Variants in SORCS1 observed in about 807,000 individuals in gnomAD.
SORCS1 encodes the protein VPS10 domain-containing receptor SorCS1.
Under a neutral mutation model 146.1 loss-of-function variants are expected in SORCS1, and 60 were observed. The ratio of observed to expected loss-of-function variants is 0.41; its 90% confidence interval spans 0.33 to 0.51. The LOEUF is 0.51. SORCS1 is among the 20% of genes least tolerant of loss of function. SORCS1 has a pLI of 0.21. For missense variants in SORCS1, 1,352 were observed against 1,487.6 expected (o/e 0.91, Z 1.50); for synonymous variants, 637 against 584.0 (o/e 1.09, Z -1.31).
intron 6 of SORCS1, among the ~76,000 whole-genome samples, chr10:106,726,185 C>CTTT (rs1169402270): frequency 9.1e-5 from 6 of 66,296 alleles, no homozygotes; most frequent in Non-Finnish European, 1.4e-4. Context: ...CTTTCCCTCT[C>CTTT]TTTTTTTTTT....
chr10:106,649,021 G>A (rs570271041), intron 18 of SORCS1, among the ~76,000 whole-genome samples: 1 of 152,184 alleles, frequency 6.6e-6, no homozygotes, highest in African/African-American at 2.4e-5. Context: ...CCGGACTCCA[G>A]TGGAAAACCT....
intron 1 of SORCS1, among the ~76,000 whole-genome samples, chr10:107,044,197 G>T (rs1039272640): frequency 6.6e-6 from 1 of 151,960 alleles, no homozygotes; most frequent in South Asian, 2.1e-4. Flanking sequence ...TCTTCACCTT[G>T]ATTCTCAATA....
chr10:106,967,266 TATCC>T (rs1483022943), intron 1 of SORCS1, among the ~76,000 whole-genome samples: 1 of 152,188 alleles, frequency 6.6e-6, no homozygotes, highest in Non-Finnish European at 1.5e-5. Flanking sequence ...TCAAAATATA[TATCC>T]ATATATAATA....
chr10:106,681,281 C>T (rs775920281), intron 10 of SORCS1, among the ~76,000 whole-genome samples: 10 of 152,274 alleles, frequency 6.6e-5, no homozygotes, highest in Non-Finnish European at 1.3e-4. Flanking sequence ...AAAGTCTTCC[C>T]GATAACTGCA....
At chr10:106,868,616 G>A (rs953902865) in intron 2 of SORCS1, among the ~76,000 whole-genome samples, 9 of 152,114 alleles carry the variant, frequency 5.9e-5, no homozygotes, top group African/African-American at 2.2e-4. Context: ...TGAAATTAAG[G>A]CAGAAATGAA....
chr10:107,012,803 T>A (rs1296566001), intron 1 of SORCS1, among the ~76,000 whole-genome samples: 2 of 152,196 alleles, frequency 1.3e-5, no homozygotes, highest in Non-Finnish European at 2.9e-5. Flanking sequence ...GGATTTATCA[T>A]CTTTATACTT....
At chr10:106,959,923 A>T (rs1163400850) in intron 1 of SORCS1, among the ~76,000 whole-genome samples, 1 of 152,144 alleles carries the variant, frequency 6.6e-6, no homozygotes, top group Non-Finnish European at 1.5e-5. Flanking sequence ...ACTGAGTTCA[A>T]GTGTAGAGTA....
chr10:106,585,187 G>C (rs1036477065), intron 24 of SORCS1, among the ~76,000 whole-genome samples: 1 of 150,008 alleles, frequency 6.7e-6, no homozygotes, highest in Non-Finnish European at 1.5e-5. Context: ...TCGTGCCACT[G>C]TACTCCAGCC....
At chr10:106,718,637 G>A (rs1366166727) in intron 6 of SORCS1, among the ~76,000 whole-genome samples, 1 of 152,260 alleles carries the variant, frequency 6.6e-6, no homozygotes, top group Non-Finnish European at 1.5e-5. Flanking sequence ...CGAGTGGGTT[G>A]CCACTGCTGG....
chr10:107,089,359 C>G (rs1389264950), intron 1 of SORCS1, among the ~76,000 whole-genome samples: 2 of 152,070 alleles, frequency 1.3e-5, no homozygotes, highest in African/African-American at 4.8e-5. Context: ...ATGTGATTCC[C>G]ATCCAACACA....
intron 1 of SORCS1, among the ~76,000 whole-genome samples, chr10:107,003,425 CATAAGTGTGTGTGT>C (rs1474424050): frequency 7.9e-6 from 1 of 127,316 alleles, no homozygotes; most frequent in African/African-American, 3.5e-5. Flanking sequence ...AATAAATTCC[CATAAGTGTGTGTGT>C]GTGTGTGTGT....
At chr10:106,762,076 C>T (rs1379152838) in intron 4 of SORCS1, among the ~76,000 whole-genome samples, 1 of 152,166 alleles carries the variant, frequency 6.6e-6, no homozygotes, top group East Asian at 1.9e-4. Flanking sequence ...CTGAACCTGG[C>T]TCACATAATG....
At chr10:106,853,425 T>A (rs1321987221) in intron 2 of SORCS1, among the ~76,000 whole-genome samples, 1 of 151,830 alleles carries the variant, frequency 6.6e-6, no homozygotes, top group Non-Finnish European at 1.5e-5. Context: ...AAAAACAGGT[T>A]TTGGTTTTGT....
Position 106,668,933 on chromosome 10 carries a change from C to T in SORCS1, c.2190-1131G>A, listed in dbSNP as rs529213307. ...TCATTACACTACAGCCAGGTGTAAT[C>T]ACCGAAACTCCAGCTACCGGTAGAA... On this transcript the variant is annotated intron_variant, in intron 16 of 25. Transcript: ENST00000263054. 9.9e-5 allele frequency among the ~76,000 whole-genome samples: 15 copies of T among 152,244 alleles called. No individual in the cohort carries two copies. The South Asian group carries it at 2.7e-3, about 27-fold the overall frequency.
At chr10:106,579,848 G>A (rs937851512) in intron 24 of SORCS1, among the ~76,000 whole-genome samples, 1 of 152,128 alleles carries the variant, frequency 6.6e-6, no homozygotes, top group Non-Finnish European at 1.5e-5. Flanking sequence ...GTGAGCTAAT[G>A]TATGTTACGC....
rs183422540 is a variant in SORCS1, at chr10:107,022,880, G to T, written c.559-66300C>A. Among the ~76,000 whole-genome samples the T allele has an allele frequency of 3.3e-4, 51 of 152,298 alleles. 1 individual carries two copies. In the East Asian group the frequency reaches 9.8e-3, roughly 29 times the overall value. On this transcript the variant is annotated intron_variant, in intron 1 of 25. Coordinates refer to ENST00000263054, the MANE Select transcript of SORCS1 (RefSeq NM_052918.5). ...TTCAAGGTGTAAGATGGGAGGAGCT[G>T]AAACACACTGGGTAATCCTCCCTCT...
chr10:106,590,950 C>A (rs1257763698), intron 24 of SORCS1, among the ~76,000 whole-genome samples: 1 of 152,178 alleles, frequency 6.6e-6, no homozygotes, highest in South Asian at 2.1e-4. Context: ...CCAGTGCACC[C>A]AGCCCATTAT....
At chr10:107,126,007 C>A (rs553620451) in intron 1 of SORCS1, among the ~76,000 whole-genome samples, 1 of 152,244 alleles carries the variant, frequency 6.6e-6, no homozygotes, top group Admixed American at 6.5e-5. Context: ...GTCTGTAACA[C>A]GTGATTAAAC....
intron 1 of SORCS1, among the ~76,000 whole-genome samples, chr10:107,039,357 C>T (rs1255256812): frequency 2.1e-5 from 3 of 145,818 alleles, no homozygotes; most frequent in African/African-American, 7.5e-5. Context: ...AAAAGGATGA[C>T]AAACTTCTGA....
Sources: allele counts gnomAD v4.1 joint callset (sites outside exome capture counted in the v4.1 genomes callset), GRCh38; gene constraint gnomAD v4.1.1; transcripts MANE v1.5; gene names NCBI Gene and HGNC (gene_info 2026-07-23, HGNC 2026-07-21).